Variants in SLC23A1 observed in about 807,000 individuals in gnomAD.
SLC23A1 encodes solute carrier family 23 member 1, also known as Na(+)/L-ascorbic acid transporter 1.
In SLC23A1, 31 loss-of-function variants were observed where a neutral mutation model predicts 62.5. That is an observed-to-expected ratio of 0.50 (90% CI 0.37 to 0.67). The LOEUF (loss-of-function observed/expected upper bound fraction) is 0.67. Ranked by LOEUF, SLC23A1 falls within the 30% of genes least tolerant of loss-of-function variation. SLC23A1 has a pLI of 0.00. For missense variants in SLC23A1, 640 were observed against 782.7 expected (o/e 0.82, Z 2.18); for synonymous variants, 271 against 313.2 (o/e 0.87, Z 1.42).
chr5:139,380,653 A>G (rs746703954), intron 4 of SLC23A1, 21 bp from the exon 5 acceptor site: 4 of 1,579,970 alleles, frequency 2.5e-6, no homozygotes, highest in Non-Finnish European at 3.5e-6. Context: ...AGTCAGGGAT[A>G]CACACACGGA....
rs1326013327 is a variant in SLC23A1 at position 139,378,061 on chromosome 5, C to A, written c.1367G>T (p.Arg456Leu). The change falls in exon 12 of 15, where the codon CGC becomes CTC. Residue 456 changes from arginine (R) to leucine (L), a missense_variant. Coordinates refer to ENST00000348729, the MANE Select transcript of SLC23A1 (RefSeq NM_005847.5). This position sits in a 1 kb window ranked among gnomAD's most constrained non-coding sequence, Gnocchi z 4.5. Reference sequence around the variant, plus strand: ...GGAAAATCCCAGCACGAAGAGGTTGCGAGAGGAGTTCATGTCCACAAATTG... The same window carrying A: ...GGAAAATCCCAGCACGAAGAGGTTGAGAGAGGAGTTCATGTCCACAAATTG... ...NLQFVDMNSS[R>L]NLFVLGFSMF... 1 of 1,614,130 alleles carries A rather than the reference C, an allele frequency of 6.2e-7. No individual in the cohort carries two copies. Among genetic ancestry groups the A allele is most frequent in the Non-Finnish European group, 8.5e-7 (1 of 1,180,008 alleles).
chr5:139,384,500 T>C, upstream of SLC23A1: 1 of 1,289,570 alleles, frequency 7.8e-7, no homozygotes. Flanking sequence ...CCGCCTGTCC[T>C]CTCCTCTCCC....
chr5:139,384,061 C>T (rs1206549408), upstream of SLC23A1, among the ~76,000 whole-genome samples: 3 of 152,230 alleles, frequency 2.0e-5, no homozygotes, highest in Non-Finnish European at 4.4e-5. Context: ...GGCCTTTATT[C>T]CAAAAGTATA....
intron 12 of SLC23A1, 140 bp from the exon 13 acceptor site, chr5:139,377,637 G>A: frequency 1.6e-6 from 1 of 641,300 alleles, no homozygotes; most frequent in Non-Finnish European, 2.8e-6. Context: ...CTATCTCTGG[G>A]TTCAAGTCCC....
intron 6 of SLC23A1, 48 bp from the exon 7 acceptor site, chr5:139,380,124 G>A: frequency 6.3e-7 from 1 of 1,578,718 alleles, no homozygotes; most frequent in Non-Finnish European, 8.6e-7. Context: ...CCAGGCTGGG[G>A]CCAGGAGCCG....
In SLC23A1 at chr5:139,382,491, C is replaced by T; in HGVS notation, c.150+1G>A. ...GGGCGGGGAGGCCCTGGGGGACCCA[C>T]CTGGAAGCCCAGCAGGATGCACAGG... On this transcript the variant is annotated splice_donor_variant, in intron 2 of 14. Coordinates refer to ENST00000348729, the MANE Select transcript of SLC23A1 (RefSeq NM_005847.5). LOFTEE classifies it high-confidence loss of function. 1.3e-6 allele frequency: 2 copies of T among 1,598,656 alleles called. No homozygotes were observed. The highest frequency in any genetic ancestry group is 1.7e-6 in the Non-Finnish European group (2 of 1,166,302).
chr5:139,381,644 G>A (rs866796277), intron 3 of SLC23A1, among the ~76,000 whole-genome samples: 3 of 151,832 alleles, frequency 2.0e-5, no homozygotes, highest in South Asian at 4.2e-4. Context: ...AAAAAAGAGG[G>A]GAGAGCCAGC....
intron 14 of SLC23A1, among the ~76,000 whole-genome samples, chr5:139,370,623 CTGGGATTA>C (rs1757602291): frequency 6.6e-6 from 1 of 151,852 alleles, no homozygotes; most frequent in Non-Finnish European, 1.5e-5. Context: ...CCTCAAGTAG[CTGGGATTA>C]CAGGCGCCTA....
chr5:139,369,657 T>C (rs1757530890), intron 14 of SLC23A1: 1 of 152,560 alleles, frequency 6.6e-6, no homozygotes, highest in Admixed American at 6.5e-5. Flanking sequence ...AAGTTGAAAA[T>C]ATTGTAAAAA....
intron 3 of SLC23A1, 128 bp downstream of exon 3, chr5:139,381,764 G>A: frequency 1.4e-6 from 1 of 731,386 alleles, no homozygotes; most frequent in East Asian, 2.7e-5. Context: ...CCTGGGATAG[G>A]AGAAGCAGGT....
chr5:139,385,428 TG>T (rs1758475810), upstream of SLC23A1, among the ~76,000 whole-genome samples: 1 of 151,822 alleles, frequency 6.6e-6, no homozygotes, highest in Non-Finnish European at 1.5e-5. Flanking sequence ...CCATACCAGC[TG>T]GGGTCAAAGG....
rs1029715623 is a variant in SLC23A1 at position 139,367,254 on chromosome 5, A to T, written c.*397T>A. 3 of 152,222 alleles carry T rather than the reference A, an allele frequency of 2.0e-5. No homozygotes were observed. The highest frequency in any genetic ancestry group is 4.4e-5 in the Non-Finnish European group (3 of 68,042). 9.4% of individuals were successfully genotyped at this position (152,222 alleles called of 1,614,324 possible). ...TTAGTCTTGAAGTGATGTAGGGTCA[A>T]ATTCAATGTAAAAGCCTTGCAGCAT... On this transcript the variant is annotated 3_prime_UTR_variant, in exon 15 of 15. Transcript: ENST00000348729.
At position 139,380,594 on chromosome 5, in the gene SLC23A1, A is replaced by G. The variant is rs1233846866; in HGVS notation, c.436T>C (p.Ser146Pro). ...YGNWSLPLNT[S>P]HIWHPRIREV... ...CGTATCCGTGGGTGCCAAATATGAG[A>G]GGTGTTCAGGGGCAGACTCCAGTTA... is the stretch of plus-strand genomic sequence containing the variant. Residue 146 changes from serine to proline, a missense_variant, in exon 5 of 15, where the codon TCT (serine) becomes CCT (proline). By Grantham distance (74) the Ser-to-Pro change is moderately conservative. Transcript: ENST00000348729. 5.6e-6 allele frequency: 9 copies of G among 1,613,948 alleles called. No individual in the cohort carries two copies. Among genetic ancestry groups the G allele is most frequent in the Non-Finnish European group, 7.6e-6 (9 of 1,179,938 alleles).
At position 139,379,132 on chromosome 5, in the gene SLC23A1, C is replaced by T; in HGVS notation, c.1073+75G>A. ...ACTTGCCTAAGCCTACCCCCTGGGC[C>T]TCCACCCCGTTCCTGTGTGTGCTTC... is the stretch of plus-strand genomic sequence containing the variant. On this transcript the variant is annotated intron_variant, in intron 9 of 14. Transcript: ENST00000348729. The surrounding 1 kb of genome is among the most constrained non-coding windows in gnomAD (Gnocchi z 4.7). 6.6e-7 allele frequency: 1 copy of T among 1,520,574 alleles called. No homozygotes were observed. The highest frequency in any genetic ancestry group is 9.1e-7 in the Non-Finnish European group (1 of 1,102,966). 94.2% of individuals were successfully genotyped at this position (1,520,574 alleles called of 1,614,324 possible). A position where few individuals can be genotyped will look rare whatever the true frequency, so the allele number is the denominator to read the frequency against.
Position 139,379,951 on chromosome 5 carries a change from C to T in SLC23A1, c.768+5G>A. 1 of 1,614,188 alleles carries T rather than the reference C, an allele frequency of 6.2e-7. No homozygotes were observed. The highest frequency in any genetic ancestry group is 8.5e-7 in the Non-Finnish European group (1 of 1,180,036). ...CCCAGCCCCAGCCGCCTGCCAGGTC[C>T]TCACAGGAAACATTTTGAAGATCTG... is the stretch of plus-strand genomic sequence containing the variant. On this transcript the variant is annotated splice_donor_5th_base_variant and intron_variant, in intron 7 of 14. Transcript: ENST00000348729. The surrounding 1 kb of genome is among the most constrained non-coding windows in gnomAD (Gnocchi z 4.7).
At chr5:139,368,608 T>C (rs1481543568) in intron 14 of SLC23A1, 2 of 660,580 alleles carry the variant, frequency 3.0e-6, no homozygotes, top group South Asian at 1.9e-5. Flanking sequence ...GGGTTTAGTA[T>C]AGTCTTACAG....
intron 4 of SLC23A1, 32 bp from the exon 5 acceptor site, chr5:139,380,664 C>T: frequency 1.3e-6 from 2 of 1,563,058 alleles, no homozygotes; most frequent in Non-Finnish European, 1.8e-6. Flanking sequence ...CACACACGGA[C>T]CAGGTACAGA....
In SLC23A1 at chr5:139,379,296, AG is replaced by A; in HGVS notation, c.983del (p.Thr328IlefsTer111). The A allele has an allele frequency of 1.2e-6, 2 of 1,614,162 alleles. No homozygotes were observed. The highest frequency in any genetic ancestry group is 1.7e-6 in the Non-Finnish European group (2 of 1,180,004). Reference sequence around the variant, plus strand: ...CGATGGACTCAATGATGCCTGCCAGAGTGGCGCTGAACATTCCCAGGACAGC... The same window carrying A: ...CGATGGACTCAATGATGCCTGCCAGATGGCGCTGAACATTCCCAGGACAGC... The part of the protein sequence containing the change: ...AAAVLGMFSA[T>X]LAGIIESIGD... On this transcript the variant is annotated frameshift_variant, in exon 9 of 15. Coordinates refer to ENST00000348729, the MANE Select transcript of SLC23A1 (RefSeq NM_005847.5). LOFTEE classifies it high-confidence loss of function. This position sits in a 1 kb window ranked among gnomAD's most constrained non-coding sequence, Gnocchi z 4.7.
Position 139,378,576 on chromosome 5 carries a change from C to G in SLC23A1, c.1179+3G>C. Reference sequence around the variant, plus strand: ...AGGATTTGGCTCTGGCTCGTCGCGACACCTTGGTAATTCCCAGGACGCCAA... The same window carrying G: ...AGGATTTGGCTCTGGCTCGTCGCGAGACCTTGGTAATTCCCAGGACGCCAA... On this transcript the variant is annotated splice_donor_region_variant and intron_variant, in intron 10 of 14. Transcript: ENST00000348729. The surrounding 1 kb of genome is among the most constrained non-coding windows in gnomAD (Gnocchi z 4.5). 1 of 1,595,520 alleles carries G rather than the reference C, an allele frequency of 6.3e-7. No homozygotes were observed. Among genetic ancestry groups the G allele is most frequent in the Non-Finnish European group, 8.5e-7 (1 of 1,170,596 alleles).
Sources: allele counts gnomAD v4.1 joint callset (sites outside exome capture counted in the v4.1 genomes callset), GRCh38; gene constraint gnomAD v4.1.1; non-coding constraint Gnocchi (gnomAD v3.1); transcripts MANE v1.5; gene names NCBI Gene and HGNC (gene_info 2026-07-23, HGNC 2026-07-21).